The following SLC24A2 variants were observed in gnomAD, a reference collection of about 807,000 sequenced individuals.
SLC24A2 encodes the protein solute carrier family 24 member 2.
SLC24A2 carries 36 observed loss-of-function variants against 62.0 expected under a neutral mutation model. The observed-to-expected ratio is 0.58, with a 90% CI of 0.44 to 0.77. The LOEUF (loss-of-function observed/expected upper bound fraction) is 0.77, where lower values mean the gene tolerates loss of function less well. Among genes scored for constraint, SLC24A2 ranks in the 30% least tolerant of loss-of-function variants. The pLI is 0.00. For synonymous variants in SLC24A2, 358 were observed against 294.0 expected (o/e 1.22, Z -2.23); for missense variants, 846 against 817.9 (o/e 1.03, Z -0.42).
At chr9:20,048,132 A>G in the SLC24A2 span, among the ~76,000 whole-genome samples, 4 of 152,176 alleles carry the variant, frequency 2.6e-5, no homozygotes, top group Middle Eastern at 3.2e-3. Flanking sequence ...CATGCCAGGA[A>G]CAATGCTAAG....
chr9:20,137,248 C>G, the SLC24A2 span, among the ~76,000 whole-genome samples: 1 of 152,174 alleles, frequency 6.6e-6, no homozygotes, highest in Admixed American at 6.5e-5. Context: ...AAGGCATTTT[C>G]ATGGTATTTA....
At chr9:19,729,908 T>C (rs1166690934) in intron 2 of SLC24A2, among the ~76,000 whole-genome samples, 1 of 152,166 alleles carries the variant, frequency 6.6e-6, no homozygotes, top group Admixed American at 6.6e-5. Flanking sequence ...ATGTTTGAGA[T>C]GATGGATATG....
intron 2 of SLC24A2, among the ~76,000 whole-genome samples, chr9:19,676,940 G>A (rs1819579557): frequency 6.6e-6 from 1 of 152,156 alleles, no homozygotes; most frequent in South Asian, 2.1e-4. Context: ...ACAGACACTA[G>A]TGAGGTTATG....
At chr9:19,706,469 T>A (rs1820523613) in intron 2 of SLC24A2, among the ~76,000 whole-genome samples, 1 of 148,970 alleles carries the variant, frequency 6.7e-6, no homozygotes, top group African/African-American at 2.5e-5. Context: ...AAGCTCCGCC[T>A]CCCGGGTTCA....
In SLC24A2 at chr9:19,644,509, T is replaced by C. The variant is rs59947751; in HGVS notation, c.931-22210A>G. Among the ~76,000 whole-genome samples the C allele has an allele frequency of 3.0e-3, 455 of 152,332 alleles. 6 individuals are homozygous for C. Among genetic ancestry groups the C allele is most frequent in the African/African-American group, 0.011 (439 of 41,568 alleles). On this transcript the variant is annotated intron_variant, in intron 2 of 10. Coordinates refer to ENST00000341998, the MANE Select transcript of SLC24A2 (RefSeq NM_020344.4). The stretch of plus-strand genomic sequence containing the variant: ...GTGAGAAAGGGAAATATTCAATCAC[T>C]TGCCCAGTGCGTATGATTGTAAGTG...
the SLC24A2 span, among the ~76,000 whole-genome samples, chr9:19,939,254 G>T: frequency 2.0e-5 from 3 of 152,200 alleles, no homozygotes; most frequent in African/African-American, 7.2e-5. Context: ...GTCCTTAGGT[G>T]ATTTCATCAT....
At chr9:20,112,795 AG>A in the SLC24A2 span, among the ~76,000 whole-genome samples, 1 of 151,908 alleles carries the variant, frequency 6.6e-6, no homozygotes, top group Admixed American at 6.6e-5. Flanking sequence ...AATCTTGAAC[AG>A]CCCCCATGAC....
At chr9:20,095,125 G>A in the SLC24A2 span, among the ~76,000 whole-genome samples, 1 of 151,980 alleles carries the variant, frequency 6.6e-6, no homozygotes, top group Non-Finnish European at 1.5e-5. Context: ...TTTGCAAACT[G>A]GAAAAAAATC....
chr9:19,639,489 G>T (rs1564011683), intron 2 of SLC24A2, among the ~76,000 whole-genome samples: 1 of 152,186 alleles, frequency 6.6e-6, no homozygotes, highest in African/African-American at 2.4e-5. Context: ...AGCCTGGGGT[G>T]CCCGGCCAGC....
At chr9:20,253,130 TA>T in the SLC24A2 span, among the ~76,000 whole-genome samples, 3 of 152,186 alleles carry the variant, frequency 2.0e-5, no homozygotes, top group Non-Finnish European at 1.5e-5. Flanking sequence ...TCTTGACTGT[TA>T]GATAGTTAGG....
the SLC24A2 span, among the ~76,000 whole-genome samples, chr9:20,287,307 T>C: frequency 1.3e-5 from 2 of 152,132 alleles, no homozygotes; most frequent in Non-Finnish European, 2.9e-5. Context: ...AGGCAAACAT[T>C]CATCTCATTG....
chr9:19,778,588 G>T (rs1225375467), intron 2 of SLC24A2, among the ~76,000 whole-genome samples: 1 of 152,138 alleles, frequency 6.6e-6, no homozygotes, highest in Admixed American at 6.5e-5. Flanking sequence ...TTAAGCACAG[G>T]CTCGCTCATA....
At chr9:20,018,724 C>G in the SLC24A2 span, among the ~76,000 whole-genome samples, 1 of 151,988 alleles carries the variant, frequency 6.6e-6, no homozygotes, top group South Asian at 2.1e-4. Flanking sequence ...CTTACCATCC[C>G]CTGATTGAGG....
the SLC24A2 span, among the ~76,000 whole-genome samples, chr9:20,171,704 C>T: frequency 6.6e-6 from 1 of 151,910 alleles, no homozygotes; most frequent in Non-Finnish European, 1.5e-5. Flanking sequence ...AACTAGAGCT[C>T]CCAAATTTAT....
chr9:19,824,869 A>G, the SLC24A2 span, among the ~76,000 whole-genome samples: 1 of 152,210 alleles, frequency 6.6e-6, no homozygotes, highest in Non-Finnish European at 1.5e-5. Flanking sequence ...TGTCCTTTGC[A>G]GGGACATGGA....
the SLC24A2 span, among the ~76,000 whole-genome samples, chr9:20,307,770 G>T: frequency 9.2e-5 from 14 of 152,154 alleles, no homozygotes; most frequent in Admixed American, 7.9e-4. Context: ...CAAGTTTCCG[G>T]GACTCGGTCC....
chr9:20,093,618 T>C, the SLC24A2 span, among the ~76,000 whole-genome samples: 1 of 152,234 alleles, frequency 6.6e-6, no homozygotes, highest in Admixed American at 6.5e-5. Context: ...AGAGGTAACA[T>C]GTTTTATTCC....
At chr9:20,043,522 T>C in the SLC24A2 span, among the ~76,000 whole-genome samples, 3 of 152,214 alleles carry the variant, frequency 2.0e-5, no homozygotes, top group Non-Finnish European at 4.4e-5. Context: ...TTGTGATTCA[T>C]ACCAGGAGAT....
chr9:20,158,792 G>A, the SLC24A2 span, among the ~76,000 whole-genome samples: 1 of 151,532 alleles, frequency 6.6e-6, no homozygotes, highest in South Asian at 2.1e-4. Flanking sequence ...ACAAAATTAT[G>A]GAGCAGCTGT....
Sources: allele counts gnomAD v4.1 joint callset (sites outside exome capture counted in the v4.1 genomes callset), GRCh38; gene constraint gnomAD v4.1.1; transcripts MANE v1.5; gene names NCBI Gene and HGNC (gene_info 2026-07-23, HGNC 2026-07-21).